Variants in JPH3 observed in about 807,000 individuals in gnomAD.
JPH3 encodes the protein junctophilin 3, also known as junctophilin-3.
JPH3 carries 11 observed loss-of-function variants against 59.6 expected under a neutral mutation model. The observed-to-expected ratio is 0.18, with a 90% CI of 0.12 to 0.31. The LOEUF (loss-of-function observed/expected upper bound fraction) is 0.31. Ranked by LOEUF, JPH3 falls within the 10% of genes least tolerant of loss-of-function variation. The pLI, the probability that JPH3 is intolerant of heterozygous loss-of-function variation, is 1.00. For synonymous variants in JPH3, 673 were observed against 483.6 expected, an observed-to-expected ratio of 1.39 and a Z score of -5.14; for missense variants, 1,202 against 1,105.7, an observed-to-expected ratio of 1.09 and a Z score of -1.24.
intron 3 of JPH3, 110 bp from the exon 4 acceptor site, chr16:87,689,536 G>A: frequency 8.6e-7 from 1 of 1,163,998 alleles, no homozygotes; most frequent in Non-Finnish European, 1.2e-6. Context: ...TGAGTGGGAA[G>A]CGCCTCTGCT....
intron 1 of JPH3, among the ~76,000 whole-genome samples, chr16:87,629,941 T>C (rs994034531): frequency 5.3e-5 from 8 of 152,194 alleles, no homozygotes; most frequent in African/African-American, 1.7e-4. Flanking sequence ...CTCTGTACTT[T>C]CCACTTATTT....
intron 2 of JPH3, among the ~76,000 whole-genome samples, chr16:87,668,756 A>C (rs577762122): frequency 6.6e-6 from 1 of 151,980 alleles, no homozygotes; most frequent in Non-Finnish European, 1.5e-5. Flanking sequence ...TGGTGCTCAC[A>C]CCATCACAGG....
At chr16:87,646,015 C>T (rs1443967933) in intron 2 of JPH3, among the ~76,000 whole-genome samples, 2 of 152,218 alleles carry the variant, frequency 1.3e-5, no homozygotes, top group Admixed American at 1.3e-4. Flanking sequence ...CTTGGGGTAG[C>T]CCGGAGAGTC....
intron 4 of JPH3, among the ~76,000 whole-genome samples, chr16:87,692,589 C>A (rs759897145): frequency 1.8e-5 from 2 of 113,402 alleles, no homozygotes; most frequent in South Asian, 6.0e-4. Flanking sequence ...TTCTAGCCCA[C>A]ATAGGGTCCC....
intron 2 of JPH3, among the ~76,000 whole-genome samples, chr16:87,648,724 G>A (rs754686557): frequency 2.0e-5 from 3 of 152,206 alleles, no homozygotes; most frequent in Non-Finnish European, 2.9e-5. Flanking sequence ...CTAAGGCACA[G>A]GATGGATACC....
Position 87,696,797 on chromosome 16 carries a change from G to C in JPH3, c.*137G>C. The C allele has an allele frequency of 1.4e-6, 1 of 705,320 alleles. No homozygotes were observed. The highest frequency in any genetic ancestry group is 2.5e-6 in the Non-Finnish European group (1 of 403,554). The allele number at this position is 705,320 out of a possible 1,614,324, so 43.7% of individuals were successfully genotyped here. A position where few individuals can be genotyped will look rare whatever the true frequency, so the allele number is the denominator to read the frequency against. The stretch of plus-strand genomic sequence containing the variant: ...AAGTCCTCTCACAGAAGAACCACAC[G>C]ATTGGGTATCACTCACAGTTTGCCT... On this transcript the variant is annotated 3_prime_UTR_variant, in exon 5 of 5. Transcript: ENST00000284262.
At chr16:87,630,387 C>T (rs1369064444) in intron 1 of JPH3, among the ~76,000 whole-genome samples, 6 of 152,230 alleles carry the variant, frequency 3.9e-5, no homozygotes, top group Non-Finnish European at 8.8e-5. Context: ...GCTGACCCCT[C>T]TCCCCTTGTC....
chr16:87,629,273 CA>C (rs1430964928), intron 1 of JPH3, among the ~76,000 whole-genome samples: 2 of 151,862 alleles, frequency 1.3e-5, no homozygotes, highest in Non-Finnish European at 2.9e-5. Context: ...TGCGGTGGCT[CA>C]TGAAGGTTTT....
chr16:87,653,033 A>T (rs1300018732), intron 2 of JPH3, among the ~76,000 whole-genome samples: 1 of 151,836 alleles, frequency 6.6e-6, no homozygotes, highest in Non-Finnish European at 1.5e-5. Flanking sequence ...GTTGCTGAGG[A>T]GGGCAGTGCG....
chr16:87,613,115 G>A lies in JPH3; in HGVS notation c.382+9587G>A, dbSNP rs1381217248. Among the ~76,000 whole-genome samples, 8 of 55,242 alleles carry A rather than the reference G, an allele frequency of 1.4e-4. No homozygotes were observed. In the South Asian group the frequency reaches 3.8e-3, roughly 26 times the overall value. The allele number at this position is 55,242 out of a possible 152,430, so 36.2% of individuals were successfully genotyped here. ...TTTCTCTTTTTTTTTTTTTTTTTTT[G>A]AGACAGAGTCTCACTCTGTCGCCTA... On this transcript the variant is annotated intron_variant, in intron 1 of 4. Coordinates refer to ENST00000284262, the MANE Select transcript of JPH3 (RefSeq NM_020655.4).
intron 1 of JPH3, among the ~76,000 whole-genome samples, chr16:87,641,186 GT>G (rs1881796353): frequency 6.6e-6 from 1 of 152,192 alleles, no homozygotes; most frequent in Non-Finnish European, 1.5e-5. Flanking sequence ...GTGTGCAGTG[GT>G]GTTGTGGGGT....
chr16:87,656,239 T>A (rs1348689172), intron 2 of JPH3, among the ~76,000 whole-genome samples: 3 of 152,356 alleles, frequency 2.0e-5, no homozygotes, highest in Admixed American at 2.0e-4. Flanking sequence ...TCTTTCATGC[T>A]GTTCCTTCCA....
intron 1 of JPH3, among the ~76,000 whole-genome samples, chr16:87,643,724 G>C (rs9931404): frequency 0.23 from 34,912 of 152,126 alleles, 4,416 homozygotes; most frequent in South Asian, 0.39. Context: ...ATTTCCAAGA[G>C]AGAACAAGAT....
chr16:87,680,086 C>G (rs534758421), intron 2 of JPH3, among the ~76,000 whole-genome samples: 3 of 152,372 alleles, frequency 2.0e-5, no homozygotes, highest in Non-Finnish European at 4.4e-5. Flanking sequence ...CCAGCTGCCT[C>G]CCTTGCAAAG....
chr16:87,671,095 AC>A, intron 2 of JPH3, among the ~76,000 whole-genome samples: 1 of 152,156 alleles, frequency 6.6e-6, no homozygotes, highest in East Asian at 1.9e-4. Flanking sequence ...TGAGGTCCCC[AC>A]CTTGAAATTC....
chr16:87,661,924 A>AC (rs1386128230), intron 2 of JPH3, among the ~76,000 whole-genome samples: 3 of 152,214 alleles, frequency 2.0e-5, no homozygotes, highest in African/African-American at 7.2e-5. Context: ...GCTGAGGGGC[A>AC]CGTACGCCAC....
At chr16:87,695,348 G>C (rs1207007882) in intron 4 of JPH3, 2 of 456,008 alleles carry the variant, frequency 4.4e-6, no homozygotes, top group Non-Finnish European at 8.8e-6. Flanking sequence ...GGAGGGGGAG[G>C]AGAGTAGCCA....
At chr16:87,610,481 G>T (rs2030690456) in intron 1 of JPH3, among the ~76,000 whole-genome samples, 1 of 152,170 alleles carries the variant, frequency 6.6e-6, no homozygotes, top group South Asian at 2.1e-4. Context: ...GTGCTGGCAC[G>T]TGGTGGTCAA....
intron 4 of JPH3, among the ~76,000 whole-genome samples, chr16:87,690,761 C>A (rs1193579411): frequency 6.6e-6 from 1 of 152,118 alleles, no homozygotes; most frequent in African/African-American, 2.4e-5. Context: ...CCCAGGTTGT[C>A]CAGAAAGCAC....
Sources: gnomAD v4.1 joint callset for allele counts (sites outside exome capture counted in the v4.1 genomes callset) on GRCh38, gnomAD v4.1.1 for gene constraint, MANE v1.5 for transcripts, NCBI Gene and HGNC (gene_info 2026-07-23, HGNC 2026-07-21) for gene names.